PPP2R2C: variants seen among roughly 807,000 people sequenced by gnomAD.
The protein encoded by PPP2R2C is protein phosphatase 2 regulatory subunit Bgamma.
Under a neutral mutation model 45.3 loss-of-function variants are expected in PPP2R2C, and 10 were observed. That is an observed-to-expected ratio of 0.22 (90% CI 0.14 to 0.37). The LOEUF is 0.37. PPP2R2C is among the 10% of genes least tolerant of loss of function. The pLI, the probability that PPP2R2C is intolerant of heterozygous loss-of-function variation, is 1.00. For missense variants in PPP2R2C, 308 were observed against 619.7 expected (o/e 0.50, Z 5.34); for synonymous variants, 257 against 245.4 (o/e 1.05, Z -0.44).
intron 1 of PPP2R2C, among the ~76,000 whole-genome samples, chr4:6,395,372 C>G (rs1432014845): frequency 6.6e-6 from 1 of 152,172 alleles, no homozygotes; most frequent in Non-Finnish European, 1.5e-5. Context: ...AGAAACGGAC[C>G]CCGCGGGCAT....
At chr4:6,491,416 G>C (rs887224082) in intron 2 of PPP2R2C, among the ~76,000 whole-genome samples, 1 of 152,188 alleles carries the variant, frequency 6.6e-6, no homozygotes, top group Non-Finnish European at 1.5e-5. Flanking sequence ...AACCAGTCCA[G>C]GTATTCCCTT....
At chr4:6,535,426 G>T in intron 1 of PPP2R2C, 1 of 1,263,780 alleles carries the variant, frequency 7.9e-7, no homozygotes, top group Non-Finnish European at 1.1e-6. Context: ...GAGCCTTGGT[G>T]CATGCACGCC....
intron 5 of PPP2R2C, among the ~76,000 whole-genome samples, chr4:6,371,973 G>A (rs142587134): frequency 5.3e-5 from 8 of 152,266 alleles, no homozygotes; most frequent in Admixed American, 2.6e-4. Flanking sequence ...AGCAGTCGGC[G>A]GGAATCGTCA....
chr4:6,447,100 T>C (rs1463900279), intron 1 of PPP2R2C, among the ~76,000 whole-genome samples: 5 of 151,766 alleles, frequency 3.3e-5, no homozygotes, highest in African/African-American at 1.2e-4. Context: ...AAAGAGACCA[T>C]GGGAAGGACC....
At chr4:6,534,036 A>T (rs1418035807) in intron 2 of PPP2R2C, among the ~76,000 whole-genome samples, 3 of 150,802 alleles carry the variant, frequency 2.0e-5, no homozygotes, top group Non-Finnish European at 4.4e-5. Flanking sequence ...ACACATGTCA[A>T]CAAGCACACA....
rs549246766 is a variant in PPP2R2C at position 6,329,273 on chromosome 4, G to A, written c.1041C>T (p.Asn347=). 6.0e-4 allele frequency: 963 copies of A among 1,614,038 alleles called. 9 individuals are homozygous for A. The South Asian group carries it at 9.9e-3, about 17-fold the overall frequency. The change falls in exon 8 of 9, where the codon AAC becomes AAT. Residue 347 remains asparagine (N), a synonymous_variant. Coordinates refer to ENST00000382599, the MANE Select transcript of PPP2R2C (RefSeq NM_020416.4). This position sits in a 1 kb window ranked among gnomAD's most constrained non-coding sequence, Gnocchi z 5.8. ...AGGTCAGGGCTTACCTGTCGCTCCC[G>A]TTCCAGGCACATTCAAACTTGTCGA... ...CIFDKFECAW[N]GSDSVIMTGA... is the part of the protein sequence containing the mutation.
At chr4:6,441,942 C>T (rs1013907940) in intron 1 of PPP2R2C, among the ~76,000 whole-genome samples, 4 of 152,222 alleles carry the variant, frequency 2.6e-5, no homozygotes, top group Admixed American at 6.5e-5. Flanking sequence ...CTTCCTTCTC[C>T]GCCCTACTCC....
At chr4:6,479,588 T>A (rs965708247) in intron 2 of PPP2R2C, among the ~76,000 whole-genome samples, 14 of 152,198 alleles carry the variant, frequency 9.2e-5, no homozygotes, top group African/African-American at 3.4e-4. Flanking sequence ...GAGTAACACT[T>A]GCTTGTGACA....
intron 1 of PPP2R2C, among the ~76,000 whole-genome samples, chr4:6,547,945 C>T (rs189048298): frequency 7.6e-4 from 116 of 152,284 alleles, no homozygotes; most frequent in African/African-American, 2.6e-3. Flanking sequence ...GGGCCAGGCA[C>T]GGTAGCTCAC....
chr4:6,548,459 G>A lies in PPP2R2C; in HGVS notation c.-58-13082C>T, dbSNP rs535192643. On this transcript the variant is annotated intron_variant, in intron 1 of 9. Coordinates refer to the PPP2R2C transcript ENST00000506140. Reference sequence around the variant, plus strand: ...TGCAGAGCGCCTGGAACCCTTGTGCGTGACATCTGTGGATGCAAAGACAGC... The same window carrying A: ...TGCAGAGCGCCTGGAACCCTTGTGCATGACATCTGTGGATGCAAAGACAGC... 1.1e-3 allele frequency among the ~76,000 whole-genome samples: 175 copies of A among 152,312 alleles called. 3 individuals are homozygous for A. The highest frequency in any genetic ancestry group is 3.5e-3 in the African/African-American group (145 of 41,560).
chr4:6,442,694 G>T (rs561220747), intron 1 of PPP2R2C, among the ~76,000 whole-genome samples: 1 of 152,314 alleles, frequency 6.6e-6, no homozygotes, highest in South Asian at 2.1e-4. Context: ...CCTAGGGTGT[G>T]GGGTACAGTT....
intron 2 of PPP2R2C, among the ~76,000 whole-genome samples, chr4:6,525,900 C>T (rs1724181290): frequency 6.6e-6 from 1 of 152,154 alleles, no homozygotes; most frequent in Non-Finnish European, 1.5e-5. Flanking sequence ...TACAGCGTTT[C>T]ACCATGTTGG....
chr4:6,542,352 AG>A (rs1724826525), intron 1 of PPP2R2C, among the ~76,000 whole-genome samples: 1 of 152,250 alleles, frequency 6.6e-6, no homozygotes, highest in Non-Finnish European at 1.5e-5. Context: ...ACATTAACTA[AG>A]GAAGAATGCA....
chr4:6,425,930 G>C (rs1432431419), intron 1 of PPP2R2C, among the ~76,000 whole-genome samples: 1 of 152,086 alleles, frequency 6.6e-6, no homozygotes, highest in Non-Finnish European at 1.5e-5. Context: ...ATGTGCATGT[G>C]TGTTGCGGGG....
At chr4:6,350,646 C>T in intron 5 of PPP2R2C, 1 of 965,904 alleles carries the variant, frequency 1.0e-6, no homozygotes, top group African/African-American at 2.0e-5. Context: ...CCAGGGGGTT[C>T]TCTGAACATT....
intron 2 of PPP2R2C, among the ~76,000 whole-genome samples, chr4:6,492,377 T>A (rs986038477): frequency 6.6e-6 from 1 of 152,164 alleles, no homozygotes. Context: ...CTTCAGCCTG[T>A]CCAGGGTCGT....
intron 1 of PPP2R2C, among the ~76,000 whole-genome samples, chr4:6,465,485 G>A (rs4689458): frequency 0.95 from 144,649 of 152,236 alleles, 69,176 homozygotes; most frequent in East Asian, 1. Context: ...AGTTCCAGCA[G>A]AGCAGGGCCA....
chr4:6,525,809 T>C (rs1724178824), intron 2 of PPP2R2C, among the ~76,000 whole-genome samples: 1 of 152,162 alleles, frequency 6.6e-6, no homozygotes, highest in Admixed American at 6.5e-5. Flanking sequence ...GTTCAAGTGA[T>C]TCTCCCGCCT....
At chr4:6,512,659 G>GTGA (rs1723702517) in intron 2 of PPP2R2C, among the ~76,000 whole-genome samples, 1 of 146,302 alleles carries the variant, frequency 6.8e-6, no homozygotes, top group South Asian at 2.2e-4. Context: ...GCTGATGGTG[G>GTGA]TGGTGGTGGT....
Sources: allele counts gnomAD v4.1 joint callset (sites outside exome capture counted in the v4.1 genomes callset), GRCh38; gene constraint gnomAD v4.1.1; non-coding constraint Gnocchi (gnomAD v3.1); transcripts MANE v1.5; gene names NCBI Gene and HGNC (gene_info 2026-07-23, HGNC 2026-07-21).